Variants in CDH20 observed in about 807,000 individuals in gnomAD.
CDH20 encodes cadherin-20.
A neutral mutation model predicts 74.2 loss-of-function variants in CDH20; 29 were observed. The ratio of observed to expected loss-of-function variants is 0.39; its 90% CI spans 0.29 to 0.53. The LOEUF is 0.53. Ranked by LOEUF, CDH20 falls within the 20% of genes least tolerant of loss-of-function variation. CDH20 has a pLI of 0.69. For synonymous variants in CDH20, 469 were observed against 405.4 expected, an observed-to-expected ratio of 1.16 and a Z score of -1.88; for missense variants, 988 against 1,048.3, an observed-to-expected ratio of 0.94 and a Z score of 0.79.
chr18:61,472,390 C>A (rs1910214497), intron 1 of CDH20, among the ~76,000 whole-genome samples: 1 of 151,928 alleles, frequency 6.6e-6, no homozygotes, highest in Admixed American at 6.6e-5. Flanking sequence ...CATCCGATGG[C>A]CTCTTTCATC....
intron 1 of CDH20, among the ~76,000 whole-genome samples, chr18:61,457,760 C>T (rs1050962363): frequency 5.3e-5 from 8 of 152,082 alleles, no homozygotes; most frequent in African/African-American, 1.9e-4. Flanking sequence ...GATCTTAGCT[C>T]TTTGGGAATT....
chr18:61,487,156 G>A (rs1232960747), intron 1 of CDH20, among the ~76,000 whole-genome samples: 3 of 152,124 alleles, frequency 2.0e-5, no homozygotes, highest in Non-Finnish European at 4.4e-5. Flanking sequence ...TTCTTCATGT[G>A]GCATATGTAG....
intron 1 of CDH20, among the ~76,000 whole-genome samples, chr18:61,416,923 G>A (rs527826735): frequency 7.4e-4 from 112 of 152,268 alleles, no homozygotes; most frequent in Non-Finnish European, 1.3e-3. Context: ...GATATATACC[G>A]TTTATAACTA....
At chr18:61,480,747 T>C (rs987330225) in intron 1 of CDH20, among the ~76,000 whole-genome samples, 2 of 152,208 alleles carry the variant, frequency 1.3e-5, no homozygotes, top group African/African-American at 4.8e-5. Context: ...AAATCCCAAT[T>C]TCCTCATAAG....
In CDH20 at chr18:61,394,863, C is replaced by G. The variant is rs572544730; in HGVS notation, c.-153+61036C>G. On this transcript the variant is annotated intron_variant, in intron 1 of 11. Transcript: ENST00000262717. ...TCTGGCTACCTCCCTCACCCTGTCT[C>G]TCTCCATCCACCCTCCTGCTTGGCC... 2.6e-5 allele frequency among the ~76,000 whole-genome samples: 4 copies of G among 151,996 alleles called. No homozygotes were observed. The East Asian group carries it at 7.9e-4, about 30-fold the overall frequency.
At chr18:61,486,304 GTTTA>G (rs1910760968) in intron 1 of CDH20, among the ~76,000 whole-genome samples, 1 of 152,176 alleles carries the variant, frequency 6.6e-6, no homozygotes, top group Non-Finnish European at 1.5e-5. Flanking sequence ...AATGTTGAAA[GTTTA>G]TTTAGAGGAG....
chr18:61,537,834 C>A (rs1037268788), intron 8 of CDH20, among the ~76,000 whole-genome samples: 4 of 152,012 alleles, frequency 2.6e-5, no homozygotes, highest in Non-Finnish European at 5.9e-5. Flanking sequence ...AAGAGTAGAG[C>A]ATAATTTTTT....
rs987222433 is a variant in CDH20, at chr18:61,504,684, G to C, written c.829+1564G>C. Among the ~76,000 whole-genome samples the C allele has an allele frequency of 5.3e-5, 8 of 152,032 alleles. No homozygotes were observed. In the South Asian group the frequency reaches 1.7e-3, roughly 32 times the overall value. On this transcript the variant is annotated intron_variant, in intron 5 of 11. Transcript: ENST00000262717. The stretch of plus-strand genomic sequence containing the variant: ...CAATTCCAGGTGAAACACTTAGCTA[G>C]GGAAACGGGGCTTAAAAAAGAAAAA...
chr18:61,526,121 CTTTTTTTTTTTTT>C lies in CDH20; in HGVS notation c.1018-1834_1018-1822del, dbSNP rs765492185. ...CCACTGCTCCTGGCCAAAAAGTTGA[CTTTTTTTTTTTTT>C]TTTTTTTTTTTGAGACAGAGTTTCA... On this transcript the variant is annotated intron_variant, in intron 6 of 11. Coordinates refer to ENST00000262717, the MANE Select transcript of CDH20 (RefSeq NM_031891.4). Among the ~76,000 whole-genome samples, 3 of 90,212 alleles carry C rather than the reference CTTTTTTTTTTTTT, an allele frequency of 3.3e-5. No individual in the cohort carries two copies. The East Asian group carries it at 9.0e-4, about 27-fold the overall frequency. The allele number at this position is 90,212 out of a possible 152,430, so 59.2% of individuals were successfully genotyped here.
At chr18:61,542,806 A>G (rs1193529830) in intron 9 of CDH20, among the ~76,000 whole-genome samples, 1 of 152,178 alleles carries the variant, frequency 6.6e-6, no homozygotes. Flanking sequence ...ACATGTGCAG[A>G]TCACATGGTG....
chr18:61,354,155 T>C (rs1910412590), intron 1 of CDH20, among the ~76,000 whole-genome samples: 2 of 152,202 alleles, frequency 1.3e-5, no homozygotes, highest in Non-Finnish European at 2.9e-5. Flanking sequence ...ACTCCCACAC[T>C]GGATGACACT....
At chr18:61,360,625 G>A (rs1910656433) in intron 1 of CDH20, among the ~76,000 whole-genome samples, 2 of 152,180 alleles carry the variant, frequency 1.3e-5, no homozygotes, top group South Asian at 4.1e-4. Context: ...CTGCCTTGTG[G>A]CACTGAGTCA....
In CDH20 at chr18:61,555,115, T is replaced by G. The variant is rs1056848404; in HGVS notation, c.*420T>G. The stretch of plus-strand genomic sequence containing the variant: ...GTATCTGTTTTTTATCTTATCTTAT[T>G]CTCCATTTAAGAGTTTTGCTGGCTC... On this transcript the variant is annotated 3_prime_UTR_variant, in exon 12 of 12. Transcript: ENST00000262717. 3.0e-6 allele frequency: 3 copies of G among 1,005,194 alleles called. No homozygotes were observed. The highest frequency in any genetic ancestry group is 3.6e-6 in the Non-Finnish European group (3 of 842,840). The allele number at this position is 1,005,194 out of a possible 1,614,324, so 62.3% of individuals were successfully genotyped here. A position where few individuals can be genotyped will look rare whatever the true frequency, so the allele number is the denominator to read the frequency against.
At chr18:61,405,904 C>T (rs766702851) in intron 1 of CDH20, among the ~76,000 whole-genome samples, 6 of 152,288 alleles carry the variant, frequency 3.9e-5, no homozygotes, top group East Asian at 3.9e-4. Flanking sequence ...ACTGTCTCAA[C>T]GGTCTTGCAG....
At chr18:61,488,179 C>G (rs1310349155) in intron 1 of CDH20, among the ~76,000 whole-genome samples, 1 of 152,050 alleles carries the variant, frequency 6.6e-6, no homozygotes, top group Non-Finnish European at 1.5e-5. Flanking sequence ...GAAGAGTTTT[C>G]TAATAGCTAG....
At chr18:61,484,931 T>C (rs1354805688) in intron 1 of CDH20, among the ~76,000 whole-genome samples, 1 of 152,088 alleles carries the variant, frequency 6.6e-6, no homozygotes, top group Non-Finnish European at 1.5e-5. Context: ...ATAAACTGGT[T>C]GGGTGGTGGG....
chr18:61,554,077 G>T, intron 11 of CDH20, 113 bp from the exon 12 acceptor site: 1 of 1,273,608 alleles, frequency 7.9e-7, no homozygotes, highest in Admixed American at 2.4e-5. Flanking sequence ...CTATCTCTGA[G>T]CCCTCCACTC....
chr18:61,499,229 T>C lies in CDH20; in HGVS notation c.290T>C (p.Ile97Thr), dbSNP rs770046815. ...AGGGGAGACGGATCCATCAAATACA[T>C]CCTCTCGGGAGAAGGTGCTGGCATC... ...MDRGDGSIKY[I>T]LSGEGAGIVF... The change falls in exon 3 of 12, where the codon ATC (isoleucine) becomes ACC (threonine). Residue 97 changes from isoleucine to threonine, a missense_variant. Physicochemically the swap from Ile to Thr is moderately conservative, Grantham distance 89. Coordinates refer to ENST00000262717, the MANE Select transcript of CDH20 (RefSeq NM_031891.4). The C allele has an allele frequency of 1.2e-6, 2 of 1,609,284 alleles. No individual in the cohort carries two copies.
intron 6 of CDH20, among the ~76,000 whole-genome samples, chr18:61,515,381 C>T (rs1911960129): frequency 6.6e-6 from 1 of 152,082 alleles, no homozygotes; most frequent in Non-Finnish European, 1.5e-5. Flanking sequence ...CACGCACCCA[C>T]TGACCTGCGC....
Sources: gnomAD v4.1 joint callset for allele counts (sites outside exome capture counted in the v4.1 genomes callset) on GRCh38, gnomAD v4.1.1 for gene constraint, MANE v1.5 for transcripts, NCBI Gene and HGNC (gene_info 2026-07-23, HGNC 2026-07-21) for gene names.